The following BICC1 variants were observed in gnomAD, a reference collection of about 807,000 sequenced individuals.
BICC1 encodes protein bicaudal C homolog 1.
A neutral mutation model predicts 111.0 loss-of-function variants in BICC1; 43 were observed. The ratio of observed to expected loss-of-function variants is 0.39; its 90% CI spans 0.30 to 0.50. The LOEUF (loss-of-function observed/expected upper bound fraction) is 0.50, where lower values mean the gene tolerates loss of function less well. BICC1 is among the 20% of genes least tolerant of loss of function. The pLI is 0.88. For missense variants in BICC1, 1,091 were observed against 1,203.2 expected (o/e 0.91, Z 1.38); for synonymous variants, 467 against 434.4 (o/e 1.07, Z -0.93).
rs1304253973 is a variant in BICC1, at chr10:58,513,085, A to C, written c.-59A>C. 3 of 1,254,438 alleles carry C rather than the reference A, an allele frequency of 2.4e-6. No individual in the cohort carries two copies. In the East Asian group the frequency reaches 9.7e-5, roughly 41 times the overall value. 77.7% of individuals were successfully genotyped at this position (1,254,438 alleles called of 1,614,324 possible). A position where few individuals can be genotyped will look rare whatever the true frequency, so the allele number is the denominator to read the frequency against. ...CCAGTTGAGCCCGGCCGGCGAGCGGAGGCGGCAGCGCAGGCAGAGCGGCGG... is the reference window on the plus strand; with the variant it reads ...CCAGTTGAGCCCGGCCGGCGAGCGGCGGCGGCAGCGCAGGCAGAGCGGCGG... On this transcript the variant is annotated 5_prime_UTR_variant, in exon 1 of 21. Transcript: ENST00000373886.
At chr10:58,693,939 G>A (rs1839992965) in intron 2 of BICC1, among the ~76,000 whole-genome samples, 1 of 152,150 alleles carries the variant, frequency 6.6e-6, no homozygotes. Context: ...CCTTGACCAT[G>A]CCTATGTCCT....
intron 1 of BICC1, among the ~76,000 whole-genome samples, chr10:58,531,521 G>A (rs1336539401): frequency 6.6e-6 from 1 of 151,510 alleles, no homozygotes; most frequent in East Asian, 1.9e-4. Flanking sequence ...CAAAATATAA[G>A]GCACACAAAC....
chr10:58,818,356 C>A (rs1040870044), intron 19 of BICC1, among the ~76,000 whole-genome samples: 2 of 152,096 alleles, frequency 1.3e-5, no homozygotes, highest in Non-Finnish European at 2.9e-5. Context: ...ATGATTCTTC[C>A]TAACAGTGCT....
intron 2 of BICC1, among the ~76,000 whole-genome samples, chr10:58,632,245 TTTATTCTGAAGGGA>T (rs538132202): frequency 6.6e-6 from 1 of 152,328 alleles, no homozygotes; most frequent in African/African-American, 2.4e-5. Flanking sequence ...TCAAAGAGCT[TTTATTCTGAAGGGA>T]AAAGATGCTT....
At chr10:58,729,044 T>G (rs747055126) in intron 3 of BICC1, among the ~76,000 whole-genome samples, 3 of 152,206 alleles carry the variant, frequency 2.0e-5, no homozygotes, top group African/African-American at 4.8e-5. Context: ...TCTGGGATTT[T>G]GGGAATGGTA....
intron 1 of BICC1, among the ~76,000 whole-genome samples, chr10:58,593,773 A>G (rs1393998503): frequency 6.6e-6 from 1 of 152,176 alleles, no homozygotes; most frequent in Non-Finnish European, 1.5e-5. Context: ...GGTAGAAACC[A>G]GCGCAAAAAT....
intron 3 of BICC1, among the ~76,000 whole-genome samples, chr10:58,736,823 G>A (rs1841481814): frequency 1.3e-5 from 2 of 152,122 alleles, no homozygotes; most frequent in African/African-American, 4.8e-5. Flanking sequence ...ATGGAGAGGT[G>A]AGCTGAGTAG....
intron 12 of BICC1, 122 bp from the exon 13 acceptor site, chr10:58,800,072 A>T (rs547326790): frequency 3.5e-5 from 23 of 651,588 alleles, no homozygotes; most frequent in Non-Finnish European, 6.0e-5. Context: ...TCATCTCCTT[A>T]GTTAGAAGTA....
At chr10:58,637,183 A>G (rs962258679) in intron 2 of BICC1, among the ~76,000 whole-genome samples, 2 of 152,248 alleles carry the variant, frequency 1.3e-5, no homozygotes, top group African/African-American at 4.8e-5. Flanking sequence ...TTTTAGAATA[A>G]AAACATTTCC....
At chr10:58,751,564 A>G (rs767878822) in intron 3 of BICC1, among the ~76,000 whole-genome samples, 9 of 152,150 alleles carry the variant, frequency 5.9e-5, no homozygotes, top group Admixed American at 3.3e-4. Context: ...AGGGATGTCT[A>G]ACTTTATCTG....
At chr10:58,779,739 A>G (rs1319981809) in intron 3 of BICC1, among the ~76,000 whole-genome samples, 1 of 152,190 alleles carries the variant, frequency 6.6e-6, no homozygotes, top group Non-Finnish European at 1.5e-5. Flanking sequence ...ACCACATCAT[A>G]AAGGAAATCT....
intron 5 of BICC1, 136 bp downstream of exon 5, chr10:58,787,217 A>G: frequency 1.4e-6 from 1 of 722,974 alleles, no homozygotes; most frequent in Non-Finnish European, 2.0e-6. Context: ...AGATTGTACA[A>G]CTTTCTGCAA....
intron 1 of BICC1, among the ~76,000 whole-genome samples, chr10:58,573,279 T>C (rs1658417): frequency 0.46 from 69,918 of 152,044 alleles, 17,100 homozygotes; most frequent in Admixed American, 0.62. Flanking sequence ...AATACTTTTC[T>C]TACAAGAAGA....
chr10:58,635,051 T>G (rs1418788159), intron 2 of BICC1, among the ~76,000 whole-genome samples: 2 of 152,190 alleles, frequency 1.3e-5, no homozygotes, highest in African/African-American at 4.8e-5. Flanking sequence ...CGTCACAGTT[T>G]AAACTCCTGT....
intron 14 of BICC1, among the ~76,000 whole-genome samples, chr10:58,802,786 T>C (rs762561172): frequency 1.3e-5 from 2 of 152,218 alleles, no homozygotes; most frequent in Non-Finnish European, 2.9e-5. Context: ...TGTGTTTGAA[T>C]GTGCATCATG....
intron 2 of BICC1, among the ~76,000 whole-genome samples, chr10:58,658,807 C>T (rs1478783659): frequency 6.6e-6 from 1 of 152,100 alleles, no homozygotes; most frequent in African/African-American, 2.4e-5. Context: ...GTTTCTGGCA[C>T]AAGCAGATGT....
chr10:58,694,838 C>G (rs1258774038), intron 2 of BICC1, among the ~76,000 whole-genome samples: 1 of 152,116 alleles, frequency 6.6e-6, no homozygotes, highest in Non-Finnish European at 1.5e-5. Context: ...TGCTCAGTTA[C>G]TTCAGCATTT....
chr10:58,763,596 G>C (rs1842378868), intron 3 of BICC1, among the ~76,000 whole-genome samples: 1 of 152,162 alleles, frequency 6.6e-6, no homozygotes, highest in Non-Finnish European at 1.5e-5. Flanking sequence ...GTACAGACTA[G>C]TGTTTATATT....
rs112267681 is a variant in BICC1 at position 58,828,444 on chromosome 10, G to A, written c.2795-317G>A. Among the ~76,000 whole-genome samples, 175 of 152,226 alleles carry A rather than the reference G, an allele frequency of 1.1e-3. 3 individuals carry two copies. The highest frequency in any genetic ancestry group is 3.9e-3 in the African/African-American group (164 of 41,530). On this transcript the variant is annotated intron_variant, in intron 20 of 20. Coordinates refer to ENST00000373886, the MANE Select transcript of BICC1 (RefSeq NM_001080512.3). ...TCAAACTATTTAATTTGGTTAGAGC[G>A]TTCTGAGAATGGTATATCCTCCAAT...
Sources: gnomAD v4.1 joint callset for allele counts (sites outside exome capture counted in the v4.1 genomes callset) on GRCh38, gnomAD v4.1.1 for gene constraint, MANE v1.5 for transcripts, NCBI Gene and HGNC (gene_info 2026-07-23, HGNC 2026-07-21) for gene names.